Variants in UGT1A6 observed in about 807,000 individuals in gnomAD.
The protein encoded by UGT1A6 is UDP glucuronosyltransferase family 1 member A6, also known as UDP-glucuronosyltransferase 1A6.
In UGT1A6, 32 loss-of-function variants were observed where a neutral mutation model predicts 44.4. That is an observed-to-expected ratio of 0.72 (90% CI 0.54 to 0.97). The LOEUF is 0.97. Ranked by LOEUF, UGT1A6 falls within the 50% of genes least tolerant of loss-of-function variation. The probability of loss-of-function intolerance (pLI) is 0.00; values close to 1 mark genes in which losing one functional copy is unlikely to be tolerated. For missense variants in UGT1A6, 685 were observed against 661.9 expected (o/e 1.03, Z -0.38); for synonymous variants, 238 against 248.5 (o/e 0.96, Z 0.40).
At chr2:233,771,134 C>T (rs1700244933) in intron 4 of UGT1A6, 1 of 152,302 alleles carries the variant, frequency 6.6e-6, no homozygotes, top group Admixed American at 6.5e-5. Flanking sequence ...CCCCATGATC[C>T]AAACACCTCC....
chr2:233,766,832 C>T (rs1042829925), intron 1 of UGT1A6, among the ~76,000 whole-genome samples: 12 of 152,168 alleles, frequency 7.9e-5, no homozygotes, highest in African/African-American at 2.9e-4. Context: ...ATTCTGTAAG[C>T]AGGAACCCTT....
chr2:233,738,524 A>G (rs553988769), intron 1 of UGT1A6, among the ~76,000 whole-genome samples: 1 of 152,322 alleles, frequency 6.6e-6, no homozygotes, highest in South Asian at 2.1e-4. Context: ...TGTTGTGGAC[A>G]ATGAAGTCCA....
Position 233,769,626 on chromosome 2 carries a change from C to A in UGT1A6, c.1301+1187C>A. 2 of 1,612,112 alleles carry A rather than the reference C, an allele frequency of 1.2e-6. No individual in the cohort carries two copies. The highest frequency in any genetic ancestry group is 1.7e-6 in the Non-Finnish European group (2 of 1,179,588). The stretch of plus-strand genomic sequence containing the variant: ...GGGACACACCAGCTTGAGCAAGGGA[C>A]AACAGGGGAGGACTGATGACTGACT... On this transcript the variant is annotated intron_variant, in intron 4 of 4. Transcript: ENST00000305139. The surrounding 1 kb of genome is among the most constrained non-coding windows in gnomAD (Gnocchi z 4.4).
chr2:233,768,921 A>G (rs1482131176), intron 4 of UGT1A6, among the ~76,000 whole-genome samples: 4 of 152,000 alleles, frequency 2.6e-5, no homozygotes, highest in Non-Finnish European at 2.9e-5. Context: ...GTTATTATTC[A>G]CTTTATAAAA....
intron 1 of UGT1A6, chr2:233,743,760 A>T: frequency 7.3e-7 from 1 of 1,367,362 alleles, no homozygotes; most frequent in South Asian, 1.1e-5. Flanking sequence ...AACACCTCGT[A>T]GGCCTCGGCC....
At chr2:233,741,418 C>T (rs1400059458) in intron 1 of UGT1A6, 1 of 151,750 alleles carries the variant, frequency 6.6e-6, no homozygotes, top group Non-Finnish European at 1.5e-5. Context: ...TGAACTGCTC[C>T]AAAAGCAAAC....
In UGT1A6 at chr2:233,693,527, C is replaced by G. The variant is rs775014681; in HGVS notation, c.523C>G (p.Pro175Ala). 115 of 1,614,082 alleles carry G rather than the reference C, an allele frequency of 7.1e-5. No individual in the cohort carries two copies. Among genetic ancestry groups the G allele is most frequent in the Non-Finnish European group, 9.4e-5 (111 of 1,180,032 alleles). ...ATCTGTGTACCTCTTCAGGGGTTTT[C>G]CGTGTTCCCTGGAGCATACATTCAG... ...LPSVYLFRGF[P>A]CSLEHTFSRS... The change falls in exon 1 of 5, where the codon CCG (proline) becomes GCG (alanine). Residue 175 changes from proline to alanine, a missense_variant. Pro to Ala is a conservative substitution (Grantham distance 27, BLOSUM62 -1). Coordinates refer to ENST00000305139, the MANE Select transcript of UGT1A6 (RefSeq NM_001072.4).
intron 1 of UGT1A6, 79 bp downstream of exon 1, chr2:233,693,944 G>T: frequency 6.3e-7 from 1 of 1,599,222 alleles, no homozygotes; most frequent in Non-Finnish European, 8.5e-7. Flanking sequence ...TCCTTGAGCC[G>T]ACTGTCCCTT....
Position 233,768,226 on chromosome 2 carries a change from C to A in UGT1A6, c.1088C>A (p.Pro363Gln). The A allele has an allele frequency of 6.2e-7, 1 of 1,614,202 alleles. No homozygotes were observed. The highest frequency in any genetic ancestry group is 8.5e-7 in the Non-Finnish European group (1 of 1,180,042). ...TCCCTATTTTGCATCTCAGGTCACC[C>A]GATGACCCGTGCCTTTATCACCCAT... ...WLPQNDLLGH[P>Q]MTRAFITHAG... Residue 363 changes from proline to glutamine, a missense_variant, in exon 4 of 5, where the codon CCG becomes CAG. Coordinates refer to ENST00000305139, the MANE Select transcript of UGT1A6 (RefSeq NM_001072.4).
At position 233,769,640 on chromosome 2, in the gene UGT1A6, T is replaced by G; in HGVS notation, c.1301+1201T>G. ...TGAGCAAGGGACAACAGGGGAGGACTGATGACTGACTTCCCACCTTTGAGG... is the reference window on the plus strand; with the variant it reads ...TGAGCAAGGGACAACAGGGGAGGACGGATGACTGACTTCCCACCTTTGAGG... On this transcript the variant is annotated intron_variant, in intron 4 of 4. Coordinates refer to ENST00000305139, the MANE Select transcript of UGT1A6 (RefSeq NM_001072.4). This position sits in a 1 kb window ranked among gnomAD's most constrained non-coding sequence, Gnocchi z 4.4. The G allele has an allele frequency of 6.2e-7, 1 of 1,609,904 alleles. No individual in the cohort carries two copies. Among genetic ancestry groups the G allele is most frequent in the Non-Finnish European group, 8.5e-7 (1 of 1,178,488 alleles).
chr2:233,772,211 T>C, intron 4 of UGT1A6, 51 bp from the exon 5 acceptor site: 2 of 1,610,790 alleles, frequency 1.2e-6, no homozygotes, highest in Non-Finnish European at 1.7e-6. Flanking sequence ...AAAGAGAGGA[T>C]TGTTCATACC....
intron 1 of UGT1A6, chr2:233,747,813 A>T (rs1693784433): frequency 6.2e-7 from 1 of 1,613,434 alleles, no homozygotes; most frequent in African/African-American, 1.3e-5. Context: ...ACTAACGACC[A>T]ATTCAGACCA....
In UGT1A6 at chr2:233,693,268, G is replaced by C; in HGVS notation, c.264G>C (p.Lys88Asn). ...YPVPYDQEEL[K>N]NRYQSFGNNH... Reference sequence around the variant, plus strand: ...TGCCGTATGACCAAGAAGAGCTGAAGAACCGTTACCAATCATTTGGAAACA... The same window carrying C: ...TGCCGTATGACCAAGAAGAGCTGAACAACCGTTACCAATCATTTGGAAACA... Residue 88 changes from lysine to asparagine, a missense_variant, in exon 1 of 5, where the codon AAG (lysine) becomes AAC (asparagine). Lys to Asn is a moderately conservative substitution (Grantham distance 94). Transcript: ENST00000305139. 6.2e-7 allele frequency: 1 copy of C among 1,614,110 alleles called. No individual in the cohort carries two copies. The highest frequency in any genetic ancestry group is 8.5e-7 in the Non-Finnish European group (1 of 1,180,014).
intron 1 of UGT1A6, chr2:233,760,357 G>A (rs1697415689): frequency 6.2e-7 from 1 of 1,613,982 alleles, no homozygotes; most frequent in African/African-American, 1.3e-5. Flanking sequence ...GGGCCCAGTG[G>A]TGTCCCATGC....
chr2:233,766,145 C>T (rs1400021152), intron 1 of UGT1A6, among the ~76,000 whole-genome samples: 1 of 152,164 alleles, frequency 6.6e-6, no homozygotes, highest in South Asian at 2.1e-4. Flanking sequence ...CGAATCCCAC[C>T]TGGGCTTGGA....
At chr2:233,697,074 A>G (rs568484645) in intron 1 of UGT1A6, among the ~76,000 whole-genome samples, 24 of 152,104 alleles carry the variant, frequency 1.6e-4, no homozygotes, top group African/African-American at 5.8e-4. Flanking sequence ...TTTTGGTATC[A>G]GGGTAACACT....
intron 1 of UGT1A6, among the ~76,000 whole-genome samples, chr2:233,746,867 A>G (rs1013887537): frequency 6.6e-6 from 1 of 151,064 alleles, no homozygotes; most frequent in Non-Finnish European, 1.5e-5. Context: ...CAGCCTGATA[A>G]ACGTGGTTAA....
intron 1 of UGT1A6, among the ~76,000 whole-genome samples, chr2:233,762,430 C>G (rs796065862): frequency 1.7e-4 from 26 of 152,296 alleles, no homozygotes; most frequent in African/African-American, 6.3e-4. Context: ...AATAGAGTAA[C>G]AGTGTATTCC....
At position 233,769,709 on chromosome 2, in the gene UGT1A6, G is replaced by T. The variant is rs1309329692; in HGVS notation, c.1301+1270G>T. The T allele has an allele frequency of 6.6e-7, 1 of 1,509,378 alleles. No individual in the cohort carries two copies. Among genetic ancestry groups the T allele is most frequent in the South Asian group, 1.3e-5 (1 of 76,432 alleles). The allele number at this position is 1,509,378 out of a possible 1,614,324, so 93.5% of individuals were successfully genotyped here. On this transcript the variant is annotated intron_variant, in intron 4 of 4. Coordinates refer to ENST00000305139, the MANE Select transcript of UGT1A6 (RefSeq NM_001072.4). The surrounding 1 kb of genome is among the most constrained non-coding windows in gnomAD (Gnocchi z 4.4). Reference sequence around the variant, plus strand: ...GGCACTGGATAAAAGATCAATGTTGGCTAGGCACCATGGCACACGCCTGTA... The same window carrying T: ...GGCACTGGATAAAAGATCAATGTTGTCTAGGCACCATGGCACACGCCTGTA...
Sources: allele counts gnomAD v4.1 joint callset (sites outside exome capture counted in the v4.1 genomes callset), GRCh38; gene constraint gnomAD v4.1.1; non-coding constraint Gnocchi (gnomAD v3.1); transcripts MANE v1.5; gene names NCBI Gene and HGNC (gene_info 2026-07-23, HGNC 2026-07-21).